The following MAD1L1 variants were observed in gnomAD, a reference collection of about 807,000 sequenced individuals.
MAD1L1 encodes the protein mitotic spindle assembly checkpoint protein MAD1.
MAD1L1 carries 95 observed loss-of-function variants against 96.9 expected under a neutral mutation model. The ratio of observed to expected loss-of-function variants is 0.98; its 90% CI spans 0.83 to 1.16. The LOEUF (loss-of-function observed/expected upper bound fraction) is 1.16, where lower values mean the gene tolerates loss of function less well. MAD1L1 is among the 50% of genes most tolerant of loss of function. MAD1L1 has a pLI of 0.00. For missense variants in MAD1L1, 1,007 were observed against 954.4 expected (o/e 1.06, Z -0.73); for synonymous variants, 473 against 396.6 (o/e 1.19, Z -2.29).
intron 18 of MAD1L1, among the ~76,000 whole-genome samples, chr7:1,877,691 G>C (rs1195127762): frequency 1.3e-5 from 2 of 152,226 alleles, no homozygotes; most frequent in East Asian, 3.9e-4. Flanking sequence ...TAGAAATATA[G>C]ATAGGTATAT....
chr7:1,911,591 G>A (rs12699449), intron 17 of MAD1L1, among the ~76,000 whole-genome samples: 1 of 151,822 alleles, frequency 6.6e-6, no homozygotes, highest in Admixed American at 6.6e-5. Context: ...AGGGGACGAT[G>A]TTCACCAGCG....
intron 11 of MAD1L1, among the ~76,000 whole-genome samples, chr7:2,081,439 C>T (rs1756066057): frequency 2.0e-5 from 3 of 152,244 alleles, no homozygotes; most frequent in Admixed American, 1.3e-4. Flanking sequence ...TCGTGCGACC[C>T]GGGAAACCTC....
At position 2,149,136 on chromosome 7, in the gene MAD1L1, G is replaced by A. The variant is rs200151303; in HGVS notation, c.1073+16C>T. ...GCAAACGCATCCCCACAAGCACCCT[G>A]GGCGGCCAGGTCTACCTGCTGGTGA... On this transcript the variant is annotated intron_variant, in intron 11 of 18. Transcript: ENST00000265854. 1.3e-5 allele frequency: 21 copies of A among 1,613,142 alleles called. No homozygotes were observed. Among genetic ancestry groups the A allele is most frequent in the Non-Finnish European group, 1.4e-5 (16 of 1,179,522 alleles).
At chr7:2,117,159 G>A (rs1787747614) in intron 11 of MAD1L1, among the ~76,000 whole-genome samples, 1 of 152,158 alleles carries the variant, frequency 6.6e-6, no homozygotes, top group African/African-American at 2.4e-5. Flanking sequence ...CAACATCCAC[G>A]TTCCCCAGGC....
intron 12 of MAD1L1, among the ~76,000 whole-genome samples, chr7:2,050,072 G>A (rs551465151): frequency 7.6e-6 from 1 of 131,318 alleles, no homozygotes; most frequent in South Asian, 2.7e-4. Context: ...CAGACCACAC[G>A]TTCACGGGGC....
chr7:2,094,675 G>C (rs1326682296), intron 11 of MAD1L1, among the ~76,000 whole-genome samples: 1 of 151,688 alleles, frequency 6.6e-6, no homozygotes. Context: ...AGGTGAGAAG[G>C]CCCCGGGACA....
Position 2,208,358 on chromosome 7 carries a change from C to G in MAD1L1, c.986+4854G>C, listed in dbSNP as rs549022021. The stretch of plus-strand genomic sequence containing the variant: ...TAGATAATTATGTTGTCTCCAGGTA[C>G]AGTTTTACTTCCTCCTTTCCAGTCT... On this transcript the variant is annotated intron_variant, in intron 10 of 18. Transcript: ENST00000265854. Among the ~76,000 whole-genome samples, 3 of 151,778 alleles carry G rather than the reference C, an allele frequency of 2.0e-5. No homozygotes were observed. The East Asian group carries it at 5.8e-4, about 29-fold the overall frequency.
chr7:1,972,225 C>T (rs569207636), intron 15 of MAD1L1, among the ~76,000 whole-genome samples: 15 of 152,342 alleles, frequency 9.8e-5, no homozygotes, highest in Admixed American at 8.5e-4. Flanking sequence ...TTTGTACACA[C>T]ATGCACCCCC....
chr7:2,133,886 A>G (rs1194341420), intron 11 of MAD1L1, among the ~76,000 whole-genome samples: 1 of 152,120 alleles, frequency 6.6e-6, no homozygotes, highest in Non-Finnish European at 1.5e-5. Flanking sequence ...GACCTGTTCC[A>G]CAGACCTGTT....
At chr7:2,138,709 T>C (rs1788878947) in intron 11 of MAD1L1, among the ~76,000 whole-genome samples, 1 of 152,118 alleles carries the variant, frequency 6.6e-6, no homozygotes, top group African/African-American at 2.4e-5. Context: ...CTCCGCTGCC[T>C]TCCCCCAGGC....
chr7:2,013,548 C>A (rs1782396065), intron 13 of MAD1L1, among the ~76,000 whole-genome samples: 1 of 152,242 alleles, frequency 6.6e-6, no homozygotes, highest in African/African-American at 2.4e-5. Flanking sequence ...ACGGCACCCA[C>A]TCCATAGGAT....
At chr7:1,941,781 C>T (rs1420155765) in intron 16 of MAD1L1, among the ~76,000 whole-genome samples, 3 of 152,246 alleles carry the variant, frequency 2.0e-5, no homozygotes, top group Non-Finnish European at 2.9e-5. Context: ...CCTGCGATGG[C>T]ACCGCTGACC....
intron 12 of MAD1L1, among the ~76,000 whole-genome samples, chr7:2,021,735 A>C (rs932832697): frequency 2.6e-5 from 4 of 151,912 alleles, no homozygotes; most frequent in Non-Finnish European, 4.4e-5. Flanking sequence ...ACTGCACTCC[A>C]GCCTGGGCAA....
chr7:1,918,835 G>A (rs1292509000), intron 17 of MAD1L1, among the ~76,000 whole-genome samples: 2 of 152,298 alleles, frequency 1.3e-5, no homozygotes, highest in East Asian at 1.9e-4. Flanking sequence ...CGGCCCCAGG[G>A]CGACTGGTGC....
chr7:1,844,862 C>G (rs1378484856), intron 18 of MAD1L1, among the ~76,000 whole-genome samples: 1 of 152,230 alleles, frequency 6.6e-6, no homozygotes, highest in Non-Finnish European at 1.5e-5. Flanking sequence ...TCCTCCTCTG[C>G]GAGTGGGACA....
rs531246175 is a variant in MAD1L1, at chr7:1,881,824, C to T, written c.1998+16376G>A. Among the ~76,000 whole-genome samples, 10 of 152,262 alleles carry T rather than the reference C, an allele frequency of 6.6e-5. No individual in the cohort carries two copies. In the East Asian group the frequency reaches 9.7e-4, roughly 15 times the overall value. On this transcript the variant is annotated intron_variant, in intron 18 of 18. Transcript: ENST00000265854. ...CATGGTGCCCCCTCACTCCAGGTGA[C>T]GGGTGATGAGCCACTGGCATCTTCT...
In MAD1L1 at chr7:2,222,677, CT is replaced by C. The variant is rs1295565030; in HGVS notation, c.368del (p.Lys123ArgfsTer40). 7 of 1,612,836 alleles carry C rather than the reference CT, an allele frequency of 4.3e-6. No homozygotes were observed. The highest frequency in any genetic ancestry group is 5.9e-6 in the Non-Finnish European group (7 of 1,179,924). Reference protein sequence around the residue: ...LQEREAGAEEKMQEQLERNRQ... With the variant: ...LQEREAGAEEXMQEQLERNRQ... ...TGTTGCGCTCCAGCTGCTCCTGCAT[CT>C]TCTCCTCCGCCCCGGCCTCCCGCTC... is the stretch of plus-strand genomic sequence containing the variant. On this transcript the variant is annotated frameshift_variant, in exon 5 of 19. Coordinates refer to ENST00000265854, the MANE Select transcript of MAD1L1 (RefSeq NM_001013836.2). LOFTEE classifies it high-confidence loss of function.
chr7:1,945,827 C>T (rs374646860), intron 16 of MAD1L1, among the ~76,000 whole-genome samples: 1 of 152,246 alleles, frequency 6.6e-6, no homozygotes, highest in African/African-American at 2.4e-5. Context: ...CAGAGGGTGG[C>T]CTGAGAAGTC....
intron 18 of MAD1L1, among the ~76,000 whole-genome samples, chr7:1,860,805 G>A (rs112617394): frequency 9.8e-4 from 149 of 152,324 alleles, no homozygotes; most frequent in Admixed American, 3.2e-3. Flanking sequence ...AAGGGATGCC[G>A]TGAGCATCCC....
Sources: allele counts gnomAD v4.1 joint callset (sites outside exome capture counted in the v4.1 genomes callset), GRCh38; gene constraint gnomAD v4.1.1; transcripts MANE v1.5; gene names NCBI Gene and HGNC (gene_info 2026-07-23, HGNC 2026-07-21).